Variants in LRRC63 observed in about 807,000 individuals in gnomAD.
The protein encoded by LRRC63 is leucine-rich repeat-containing protein 63.
In LRRC63, 40 loss-of-function variants were observed where a neutral mutation model predicts 49.5. The observed-to-expected ratio is 0.81, with a 90% CI of 0.63 to 1.05. The LOEUF is 1.05. Among genes scored for constraint, LRRC63 ranks in the 50% least tolerant of loss-of-function variants. The pLI, the probability that LRRC63 is intolerant of heterozygous loss-of-function variation, is 0.00. For missense variants in LRRC63, 636 were observed against 663.1 expected (o/e 0.96, Z 0.45); for synonymous variants, 191 against 221.1 (o/e 0.86, Z 1.21).
intron 4 of LRRC63, among the ~76,000 whole-genome samples, chr13:46,232,027 G>GGAT (rs1304642887): frequency 7.3e-5 from 11 of 150,158 alleles, no homozygotes; most frequent in African/African-American, 2.5e-4. Context: ...GTGTTAGCTA[G>GGAT]GATGGTCTTG....
At chr13:46,264,420 T>TTTTA (rs528766541) in intron 8 of LRRC63, among the ~76,000 whole-genome samples, 4,635 of 147,788 alleles carry the variant, frequency 0.031, 114 homozygotes, top group Middle Eastern at 0.065. Context: ...TCCTCATGGT[T>TTTTA]TTTATTTATT....
chr13:46,243,999 G>A (rs1455861244), intron 5 of LRRC63, among the ~76,000 whole-genome samples: 8 of 151,692 alleles, frequency 5.3e-5, no homozygotes, highest in Admixed American at 4.6e-4. Context: ...AAAAACCTGA[G>A]GAGTACAAAA....
chr13:46,237,010 G>A (rs996189062), intron 5 of LRRC63, among the ~76,000 whole-genome samples: 9 of 152,080 alleles, frequency 5.9e-5, no homozygotes, highest in Non-Finnish European at 1.2e-4. Context: ...GATGCCAAGT[G>A]CAATCCCATA....
rs764244912 is a variant in LRRC63 at position 46,250,327 on chromosome 13, A to G, written c.1090-28A>G. 3 of 1,452,792 alleles carry G rather than the reference A, an allele frequency of 2.1e-6. No individual in the cohort carries two copies. In the South Asian group the frequency reaches 3.9e-5, roughly 19 times the overall value. The allele number at this position is 1,452,792 out of a possible 1,614,324, so 90.0% of individuals were successfully genotyped here. A position where few individuals can be genotyped will look rare whatever the true frequency, so the allele number is the denominator to read the frequency against. ...ATTTGCATACTTTATTATTCCGCTCATGTTTGTTTCTCTTTTCTGTTCCCC... is the reference window on the plus strand; with the variant it reads ...ATTTGCATACTTTATTATTCCGCTCGTGTTTGTTTCTCTTTTCTGTTCCCC... On this transcript the variant is annotated intron_variant, in intron 6 of 9. Coordinates refer to ENST00000595396, the Ensembl canonical transcript of LRRC63.
rs370652041 is a variant in LRRC63 at position 46,254,318 on chromosome 13, C to T, written c.1226+3827C>T. Among the ~76,000 whole-genome samples, 16 of 152,070 alleles carry T rather than the reference C, an allele frequency of 1.1e-4. 1 individual carries two copies. The highest frequency in any genetic ancestry group is 3.1e-4 in the African/African-American group (13 of 41,510). On this transcript the variant is annotated intron_variant, in intron 7 of 9. Transcript: ENST00000595396. ...TTTTATTGTTAGTTTTTTAAAGACT[C>T]GGGCATATTTACAGGATGTTGGAAA...
intron 2 of LRRC63, among the ~76,000 whole-genome samples, chr13:46,226,605 T>C (rs186029638): frequency 6.6e-6 from 1 of 152,242 alleles, no homozygotes; most frequent in East Asian, 1.9e-4. Context: ...CTCCCTCACT[T>C]GGTTTGAGAT....
In LRRC63 at chr13:46,234,305, A is replaced by G. The variant is rs78260618; in HGVS notation, c.946A>G (p.Ile316Val). 1,202 of 1,550,302 alleles carry G rather than the reference A, an allele frequency of 7.8e-4. 11 individuals are homozygous for G. In the African/African-American group the frequency reaches 0.011, roughly 15 times the overall value. ...AATAACAGCCATGACCAACCTGGCCATAGTAAACTGTCAAGTATATGGGAG... is the reference window on the plus strand; with the variant it reads ...AATAACAGCCATGACCAACCTGGCCGTAGTAAACTGTCAAGTATATGGGAG... Residue 316 changes from isoleucine (I) to valine (V), a missense_variant, in exon 5 of 10, where the codon ATA (isoleucine) becomes GTA (valine). By Grantham distance (29) the Ile-to-Val change is conservative. Transcript: ENST00000595396.
At chr13:46,266,906 T>C in exon 9 of LRRC63, 5 of 1,548,634 alleles carry the variant, frequency 3.2e-6, no homozygotes, top group Non-Finnish European at 4.4e-6. Flanking sequence ...TCTTTGTTCA[T>C]TGTCCAAAAT....
rs141418204 is a variant in LRRC63 at position 46,230,253 on chromosome 13, A to G, written c.832+1520A>G. 4.6e-3 allele frequency among the ~76,000 whole-genome samples: 704 copies of G among 152,294 alleles called. 6 individuals carry two copies. Among genetic ancestry groups the G allele is most frequent in the African/African-American group, 0.015 (626 of 41,566 alleles). On this transcript the variant is annotated intron_variant, in intron 4 of 9. Coordinates refer to ENST00000595396, the Ensembl canonical transcript of LRRC63. ...CCCAAAAGTCTCAACTGATTTCAGC[A>G]TCATTCAAAAGTGCAAAGTCTCACG...
intron 2 of LRRC63, among the ~76,000 whole-genome samples, chr13:46,226,704 C>T (rs2046586901): frequency 6.6e-6 from 1 of 152,202 alleles, no homozygotes; most frequent in Non-Finnish European, 1.5e-5. Flanking sequence ...AGAAGAAATA[C>T]TGTCTCCAAA....
intron 5 of LRRC63, among the ~76,000 whole-genome samples, chr13:46,239,391 G>T (rs139048170): frequency 7.8e-4 from 118 of 152,152 alleles, no homozygotes; most frequent in African/African-American, 2.8e-3. Flanking sequence ...ACCTAGAAGA[G>T]ATGGATAAAT....
At chr13:46,271,850 A>G (rs894594851) in intron 9 of LRRC63, among the ~76,000 whole-genome samples, 8 of 152,134 alleles carry the variant, frequency 5.3e-5, no homozygotes, top group Non-Finnish European at 1.2e-4. Flanking sequence ...ATACATTTCA[A>G]TATCCCTGTT....
chr13:46,215,481 A>G (rs2046224103), intron 2 of LRRC63, among the ~76,000 whole-genome samples: 1 of 151,760 alleles, frequency 6.6e-6, no homozygotes, highest in Admixed American at 6.6e-5. Flanking sequence ...TTTATTGTAA[A>G]TATGTTTAAG....
At chr13:46,274,762 C>T (rs1452786543) in intron 9 of LRRC63, among the ~76,000 whole-genome samples, 2 of 152,032 alleles carry the variant, frequency 1.3e-5, no homozygotes, top group African/African-American at 4.8e-5. Context: ...TTGTAACATA[C>T]AGGGTGATAT....
chr13:46,266,884 A>G, exon 9 of LRRC63: 1 of 1,548,966 alleles, frequency 6.5e-7, no homozygotes, highest in South Asian at 1.2e-5. Flanking sequence ...ACAACAACTT[A>G]CTCAAATTAT....
At chr13:46,234,763 A>G (rs1362436412) in intron 5 of LRRC63, among the ~76,000 whole-genome samples, 1 of 152,160 alleles carries the variant, frequency 6.6e-6, no homozygotes, top group Non-Finnish European at 1.5e-5. Flanking sequence ...CTCCTAAAAC[A>G]CAATTATGTA....
chr13:46,252,394 G>C (rs1428884414), intron 7 of LRRC63, among the ~76,000 whole-genome samples: 1 of 151,954 alleles, frequency 6.6e-6, no homozygotes, highest in African/African-American at 2.4e-5. Context: ...TGTAAATTCT[G>C]GAGTTTGGAC....
chr13:46,235,835 C>G (rs2046888501), intron 5 of LRRC63, among the ~76,000 whole-genome samples: 2 of 152,108 alleles, frequency 1.3e-5, no homozygotes, highest in South Asian at 4.1e-4. Flanking sequence ...CTTAAATAAA[C>G]TGTCTTAAAT....
chr13:46,228,427 G>C (rs1422645556), intron 3 of LRRC63, among the ~76,000 whole-genome samples: 1 of 152,128 alleles, frequency 6.6e-6, no homozygotes, highest in African/African-American at 2.4e-5. Flanking sequence ...AACCAACAAG[G>C]GAATTCAAAG....
Sources: allele counts gnomAD v4.1 joint callset (sites outside exome capture counted in the v4.1 genomes callset), GRCh38; gene constraint gnomAD v4.1.1; transcripts MANE v1.5; gene names NCBI Gene and HGNC (gene_info 2026-07-23, HGNC 2026-07-21).